Variants in IGSF10 observed in about 807,000 individuals in gnomAD.
The protein encoded by IGSF10 is immunoglobulin superfamily member 10, also known as calvaria mechanical force protein 608.
A neutral mutation model predicts 128.2 loss-of-function variants in IGSF10; 126 were observed. The ratio of observed to expected loss-of-function variants is 0.98; its 90% CI spans 0.85 to 1.14. The LOEUF (loss-of-function observed/expected upper bound fraction) is 1.14. Ranked by LOEUF, IGSF10 falls within the 50% of genes most tolerant of loss-of-function variation. IGSF10 has a pLI of 0.00. For synonymous variants in IGSF10, 1,185 were observed against 1,146.2 expected, an observed-to-expected ratio of 1.03 and a Z score of -0.68; for missense variants, 3,295 against 3,149.8, an observed-to-expected ratio of 1.05 and a Z score of -1.10.
intron 4 of IGSF10, among the ~76,000 whole-genome samples, chr3:151,455,036 T>C (rs1721714421): frequency 6.6e-6 from 1 of 152,102 alleles, no homozygotes; most frequent in South Asian, 2.1e-4. Flanking sequence ...TACAATTTAT[T>C]GGTTTTTAGT....
the IGSF10 span, among the ~76,000 whole-genome samples, chr3:151,601,062 T>A: frequency 1.3e-5 from 2 of 151,392 alleles, no homozygotes; most frequent in Admixed American, 1.3e-4. Flanking sequence ...CTGGTGTTGA[T>A]CAAAGGTTTT....
At chr3:151,593,976 G>T in the IGSF10 span, among the ~76,000 whole-genome samples, 1 of 145,292 alleles carries the variant, frequency 6.9e-6, no homozygotes, top group Non-Finnish European at 1.5e-5. Context: ...TGAGGAATGG[G>T]CTGAGGGAAT....
At chr3:151,552,530 A>G in the IGSF10 span, among the ~76,000 whole-genome samples, 2 of 152,000 alleles carry the variant, frequency 1.3e-5, no homozygotes, top group Non-Finnish European at 2.9e-5. Context: ...AGATCAATAG[A>G]CCTATGACCA....
At chr3:151,452,186 G>A (rs994212199) in intron 5 of IGSF10, among the ~76,000 whole-genome samples, 58 of 152,166 alleles carry the variant, frequency 3.8e-4, no homozygotes, top group African/African-American at 1.2e-3. Context: ...GCCCCTATGG[G>A]TTTAATTATT....
At chr3:151,474,888 T>C in the IGSF10 span, among the ~76,000 whole-genome samples, 1 of 152,178 alleles carries the variant, frequency 6.6e-6, no homozygotes, top group Non-Finnish European at 1.5e-5. Flanking sequence ...ACTTATTCAC[T>C]ATCATGAGAA....
the IGSF10 span, among the ~76,000 whole-genome samples, chr3:151,566,990 C>T: frequency 1.3e-5 from 2 of 152,150 alleles, no homozygotes; most frequent in Non-Finnish European, 2.9e-5. Context: ...GGGACCAACA[C>T]CTATCCAGGT....
the IGSF10 span, among the ~76,000 whole-genome samples, chr3:151,535,853 A>G: frequency 6.6e-6 from 1 of 152,228 alleles, no homozygotes; most frequent in African/African-American, 2.4e-5. Context: ...TTCCTCTAGA[A>G]TGATAGAGCA....
the IGSF10 span, among the ~76,000 whole-genome samples, chr3:151,473,245 T>C: frequency 0.46 from 70,338 of 152,046 alleles, 16,547 homozygotes; most frequent in South Asian, 0.56. Flanking sequence ...AGAGTAATTG[T>C]TGGATTTGTG....
upstream of IGSF10, among the ~76,000 whole-genome samples, chr3:151,462,386 G>A (rs1722094047): frequency 6.6e-6 from 1 of 152,178 alleles, no homozygotes; most frequent in Non-Finnish European, 1.5e-5. Flanking sequence ...GTGTTAACAA[G>A]CCTTCCATAT....
At position 151,447,236 on chromosome 3, in the gene IGSF10, A is replaced by G. The variant is rs1431527308; in HGVS notation, c.2745T>C (p.His915=). ...DSDQMGRGRE[H]FQSRPPITVR... ...CTGTTATTGGGGGTCTACTTTGGAA[A>G]TGCTCTCTTCCTCTTCCCATCTGGT... is the stretch of plus-strand genomic sequence containing the variant. The change falls in exon 6 of 8, where the codon CAT becomes CAC. Residue 915 remains histidine (H), a synonymous_variant. Coordinates refer to ENST00000282466, the MANE Select transcript of IGSF10 (RefSeq NM_178822.5). The G allele has an allele frequency of 6.8e-6, 11 of 1,614,194 alleles. No homozygotes were observed. The highest frequency in any genetic ancestry group is 8.5e-6 in the Non-Finnish European group (10 of 1,180,032).
the IGSF10 span, among the ~76,000 whole-genome samples, chr3:151,521,867 C>T: frequency 4.6e-5 from 7 of 151,808 alleles, no homozygotes; most frequent in Non-Finnish European, 7.4e-5. Flanking sequence ...CAGAGCTGAA[C>T]TGAAGGAAAC....
At chr3:151,460,770 TGTC>T (rs1445213653) in intron 1 of IGSF10, among the ~76,000 whole-genome samples, 173 bp downstream of exon 1, 2 of 151,968 alleles carry the variant, frequency 1.3e-5, no homozygotes, top group African/African-American at 4.8e-5. Context: ...ACCGAAGAAT[TGTC>T]GTGTGCTTTC....
chr3:151,435,572 G>C (rs749553203), downstream of IGSF10: 8 of 152,194 alleles, frequency 5.3e-5, no homozygotes, highest in South Asian at 1.0e-3. Flanking sequence ...TGTGCACTGA[G>C]ATATCTAAGA....
At chr3:151,444,400 C>T (rs9863400) in intron 6 of IGSF10, among the ~76,000 whole-genome samples, 110,560 of 152,094 alleles carry the variant, frequency 0.73, 40,351 homozygotes, top group Middle Eastern at 0.86. Flanking sequence ...CTCCGCCTCC[C>T]AGGTTCGAGC....
At chr3:151,513,990 G>A in the IGSF10 span, among the ~76,000 whole-genome samples, 1 of 152,104 alleles carries the variant, frequency 6.6e-6, no homozygotes, top group East Asian at 1.9e-4. Flanking sequence ...ACAAATGGAA[G>A]AACATTCCAT....
chr3:151,527,659 C>T, the IGSF10 span, among the ~76,000 whole-genome samples: 1 of 152,114 alleles, frequency 6.6e-6, no homozygotes, highest in Admixed American at 6.5e-5. Context: ...TTTTAAAAAT[C>T]CAAATCTGGG....
At chr3:151,455,062 T>A (rs572766331) in intron 4 of IGSF10, among the ~76,000 whole-genome samples, 12 of 152,112 alleles carry the variant, frequency 7.9e-5, no homozygotes, top group Admixed American at 2.6e-4. Context: ...CATAGAGTTG[T>A]GCAACCATAT....
chr3:151,447,751 A>C lies in IGSF10; in HGVS notation c.2230T>G (p.Phe744Val), dbSNP rs766819890. The change falls in exon 6 of 8, where the codon TTC (phenylalanine) becomes GTC (valine). Residue 744 changes from phenylalanine to valine, a missense_variant. Physicochemically the swap from Phe to Val is conservative, Grantham distance 50. Transcript: ENST00000282466. ...TCAATTCTCCTAGCAGAGGGAGGGA[A>C]ATGCCTCCTATTCTCCCTAAAACGT... The part of the protein sequence containing the change: ...HRRFRENRRH[F>V]PPSARRIDPQ... 19 of 1,614,078 alleles carry C rather than the reference A, an allele frequency of 1.2e-5. No homozygotes were observed. The highest frequency in any genetic ancestry group is 1.6e-5 in the Non-Finnish European group (19 of 1,179,976).
In IGSF10 at chr3:151,443,259, T is replaced by G. The variant is rs751587952; in HGVS notation, c.5688A>C (p.Leu1896Phe). 3.1e-6 allele frequency: 5 copies of G among 1,611,518 alleles called. No homozygotes were observed. The highest frequency in any genetic ancestry group is 2.2e-5 in the East Asian group (1 of 44,854). ...TTATATACAAAGTCCCATTTGAAAA[T>G]AAGAACAACTTGGAATTGGTAAACT... ...PLQFTNSKLF[L>F]FSNGTLYIRN... Residue 1896 changes from leucine (L) to phenylalanine (F), a missense_variant, in exon 7 of 8, where the codon TTA becomes TTC. Physicochemically the swap from Leu to Phe is conservative, Grantham distance 22. Transcript: ENST00000282466.
Sources: allele counts gnomAD v4.1 joint callset (sites outside exome capture counted in the v4.1 genomes callset), GRCh38; gene constraint gnomAD v4.1.1; transcripts MANE v1.5; gene names NCBI Gene and HGNC (gene_info 2026-07-23, HGNC 2026-07-21).